The following ONECUT2 variants were observed in gnomAD, a reference collection of about 807,000 sequenced individuals.
ONECUT2 encodes one cut homeobox 2.
Under a neutral mutation model 27.9 loss-of-function variants are expected in ONECUT2, and 10 were observed. The observed-to-expected ratio is 0.36, with a 90% CI of 0.22 to 0.61. The LOEUF is 0.61. Ranked by LOEUF, ONECUT2 falls within the 20% of genes least tolerant of loss-of-function variation. The pLI is 0.73. For synonymous variants in ONECUT2, 334 were observed against 315.1 expected (o/e 1.06, Z -0.64); for missense variants, 686 against 721.0 (o/e 0.95, Z 0.56).
chr18:57,476,027 T>A (rs2050379903), intron 1 of ONECUT2, among the ~76,000 whole-genome samples: 1 of 152,132 alleles, frequency 6.6e-6, no homozygotes, highest in Non-Finnish European at 1.5e-5. Context: ...TCAACTCAGC[T>A]GTAAACAATT....
At chr18:57,437,013 A>G (rs1165397568) in intron 1 of ONECUT2, 69 bp downstream of exon 1, 1 of 1,495,574 alleles carries the variant, frequency 6.7e-7, no homozygotes, top group Non-Finnish European at 8.9e-7. Context: ...TTGTGGCCCA[A>G]GTCTGCGCGC....
At chr18:57,465,320 C>CG (rs1445662535) in intron 1 of ONECUT2, among the ~76,000 whole-genome samples, 6 of 152,074 alleles carry the variant, frequency 3.9e-5, no homozygotes, top group African/African-American at 1.4e-4. Flanking sequence ...ACACCACCCA[C>CG]GCCTGGCTAA....
At chr18:57,440,718 G>T (rs2050169333) in intron 1 of ONECUT2, among the ~76,000 whole-genome samples, 1 of 152,220 alleles carries the variant, frequency 6.6e-6, no homozygotes. Flanking sequence ...CTGCGCCGGG[G>T]ACGTCCTTGG....
At chr18:57,444,882 G>A (rs2050193169) in intron 1 of ONECUT2, among the ~76,000 whole-genome samples, 1 of 152,150 alleles carries the variant, frequency 6.6e-6, no homozygotes, top group South Asian at 2.1e-4. Flanking sequence ...AAGGGGGGTG[G>A]GAAGAGAGGG....
chr18:57,484,248 A>G lies in ONECUT2; in HGVS notation c.*7525A>G, dbSNP rs1269215101. 6.6e-6 allele frequency: 1 copy of G among 152,634 alleles called. No individual in the cohort carries two copies. The highest frequency in any genetic ancestry group is 1.5e-5 in the Non-Finnish European group (1 of 68,028). 9.5% of individuals were successfully genotyped at this position (152,634 alleles called of 1,614,324 possible). Reference sequence around the variant, plus strand: ...AAACTTTCTATTTCTAGTGAGAACCAAAGAAGGCTACCTCACTGACTTTTT... The same window carrying G: ...AAACTTTCTATTTCTAGTGAGAACCGAAGAAGGCTACCTCACTGACTTTTT... On this transcript the variant is annotated 3_prime_UTR_variant, in exon 2 of 2. Transcript: ENST00000491143.
chr18:57,441,898 G>A (rs2050176242), intron 1 of ONECUT2, among the ~76,000 whole-genome samples: 1 of 152,212 alleles, frequency 6.6e-6, no homozygotes, highest in African/African-American at 2.4e-5. Flanking sequence ...GGGTCTAACA[G>A]GGAGAATCTT....
chr18:57,438,845 GATA>G (rs1419536518), intron 1 of ONECUT2, among the ~76,000 whole-genome samples: 3 of 152,178 alleles, frequency 2.0e-5, no homozygotes, highest in African/African-American at 7.2e-5. Context: ...AGTAGAGAGC[GATA>G]ATAATAGCGG....
chr18:57,456,623 A>C (rs2050260919), intron 1 of ONECUT2, among the ~76,000 whole-genome samples: 2 of 152,212 alleles, frequency 1.3e-5, no homozygotes, highest in African/African-American at 4.8e-5. Context: ...ATGAGTATAG[A>C]GTTTTAGTTC....
intron 1 of ONECUT2, among the ~76,000 whole-genome samples, chr18:57,452,157 A>C (rs1401644397): frequency 6.6e-6 from 1 of 152,160 alleles, no homozygotes; most frequent in Non-Finnish European, 1.5e-5. Flanking sequence ...ACCTATGCCC[A>C]CCTGGACAGG....
In ONECUT2 at chr18:57,477,700, T is replaced by C. The variant is rs559211603; in HGVS notation, c.*977T>C. 6.5e-5 allele frequency: 10 copies of C among 152,800 alleles called. No homozygotes were observed. The highest frequency in any genetic ancestry group is 1.3e-4 in the Non-Finnish European group (9 of 68,036). The allele number at this position is 152,800 out of a possible 1,614,324, so 9.5% of individuals were successfully genotyped here. A position where few individuals can be genotyped will look rare whatever the true frequency, so the allele number is the denominator to read the frequency against. On this transcript the variant is annotated 3_prime_UTR_variant, in exon 2 of 2. Transcript: ENST00000491143. Reference sequence around the variant, plus strand: ...AACAGTGCATGGAGCGAATGCAGCATTTTAAAAGATCTAGGTTTTTTTAGG... The same window carrying C: ...AACAGTGCATGGAGCGAATGCAGCACTTTAAAAGATCTAGGTTTTTTTAGG...
Position 57,435,609 on chromosome 18 carries a change from C to G in ONECUT2, c.-108C>G. 1.1e-6 allele frequency: 1 copy of G among 951,200 alleles called. No homozygotes were observed. Among genetic ancestry groups the G allele is most frequent in the Non-Finnish European group, 1.3e-6 (1 of 798,870 alleles). The allele number at this position is 951,200 out of a possible 1,614,324, so 58.9% of individuals were successfully genotyped here. ...ACCCGCACGCGCACTCCTCTCCACT[C>G]ACTCCCGCGCCCGCCCCCACTCCCG... On this transcript the variant is annotated 5_prime_UTR_variant, in exon 1 of 2. Transcript: ENST00000491143.
intron 1 of ONECUT2, 59 bp downstream of exon 1, chr18:57,437,003 T>G: frequency 6.6e-7 from 1 of 1,513,382 alleles, no homozygotes. Context: ...GGTCCGGTGC[T>G]TGTGGCCCAA....
At chr18:57,459,265 G>C (rs1257371914) in intron 1 of ONECUT2, among the ~76,000 whole-genome samples, 1 of 152,222 alleles carries the variant, frequency 6.6e-6, no homozygotes, top group Non-Finnish European at 1.5e-5. Context: ...GGAAACCAAA[G>C]AAGAGTGGGA....
intron 1 of ONECUT2, among the ~76,000 whole-genome samples, chr18:57,457,040 G>T (rs1382996579): frequency 6.6e-6 from 1 of 152,108 alleles, no homozygotes; most frequent in Admixed American, 6.5e-5. Flanking sequence ...AGTTCTTTTG[G>T]AGTATATACT....
At chr18:57,453,177 T>A (rs908066746) in intron 1 of ONECUT2, among the ~76,000 whole-genome samples, 5 of 152,236 alleles carry the variant, frequency 3.3e-5, no homozygotes, top group African/African-American at 1.2e-4. Flanking sequence ...CCTAATGATC[T>A]GGTGCACAGA....
intron 1 of ONECUT2, among the ~76,000 whole-genome samples, chr18:57,443,928 C>T (rs1568118658): frequency 6.6e-6 from 1 of 152,226 alleles, no homozygotes; most frequent in African/African-American, 2.4e-5. Context: ...GGGTTGGAAG[C>T]ACACCTCCAA....
At chr18:57,467,892 C>G (rs1326609943) in intron 1 of ONECUT2, among the ~76,000 whole-genome samples, 1 of 152,178 alleles carries the variant, frequency 6.6e-6, no homozygotes, top group African/African-American at 2.4e-5. Flanking sequence ...TCGTGCATGG[C>G]CCCTCCTGCC....
rs904708260 is a variant in ONECUT2 at position 57,477,259 on chromosome 18, G to A, written c.*536G>A. 3 of 32,446 alleles carry A rather than the reference G, an allele frequency of 9.2e-5. No homozygotes were observed. The highest frequency in any genetic ancestry group is 2.1e-4 in the Non-Finnish European group (3 of 13,986). The allele number at this position is 32,446 out of a possible 1,614,324, so 2.0% of individuals were successfully genotyped here. A position where few individuals can be genotyped will look rare whatever the true frequency, so the allele number is the denominator to read the frequency against. On this transcript the variant is annotated 3_prime_UTR_variant, in exon 2 of 2. Transcript: ENST00000491143. ...CCTCATTATACCATGTTATGTCCAA[G>A]TTCACAGCCACAACATCAGAATGGT...
chr18:57,480,428 A>G lies in ONECUT2; in HGVS notation c.*3705A>G, dbSNP rs1419135514. ...GGAATGGAGCCTGTTTGATTTGGTT[A>G]GTGATTCTTTGACATACTAATCTCA... is the stretch of plus-strand genomic sequence containing the variant. On this transcript the variant is annotated 3_prime_UTR_variant, in exon 2 of 2. Transcript: ENST00000491143. 2.0e-5 allele frequency: 3 copies of G among 152,140 alleles called. No homozygotes were observed. The highest frequency in any genetic ancestry group is 7.2e-5 in the African/African-American group (3 of 41,412). The allele number at this position is 152,140 out of a possible 1,614,324, so 9.4% of individuals were successfully genotyped here.
Sources: allele counts gnomAD v4.1 joint callset (sites outside exome capture counted in the v4.1 genomes callset), GRCh38; gene constraint gnomAD v4.1.1; transcripts MANE v1.5; gene names NCBI Gene and HGNC (gene_info 2026-07-23, HGNC 2026-07-21).